The following LINGO2 variants were observed in gnomAD, a reference collection of about 807,000 sequenced individuals.
The protein encoded by LINGO2 is leucine-rich repeat and immunoglobulin-like domain-containing nogo receptor-interacting protein 2.
In LINGO2, 14 loss-of-function variants were observed where a neutral mutation model predicts 30.6. The observed-to-expected ratio is 0.46, with a 90% CI of 0.30 to 0.72. The LOEUF is 0.72. LINGO2 is among the 30% of genes least tolerant of loss of function. LINGO2 has a pLI of 0.07. For missense variants in LINGO2, 729 were observed against 751.7 expected, an observed-to-expected ratio of 0.97 and a Z score of 0.35; for synonymous variants, 317 against 288.5, an observed-to-expected ratio of 1.10 and a Z score of -1.00.
the LINGO2 span, among the ~76,000 whole-genome samples, chr9:28,950,542 CAA>C: frequency 6.6e-6 from 1 of 151,106 alleles, no homozygotes; most frequent in African/African-American, 2.4e-5. Context: ...GCAATTTCAG[CAA>C]AGTCTCAGGA....
chr9:28,699,200 A>G, the LINGO2 span, among the ~76,000 whole-genome samples: 1 of 152,014 alleles, frequency 6.6e-6, no homozygotes, highest in Non-Finnish European at 1.5e-5. Context: ...GGTGTTGACA[A>G]TGTATAATGA....
chr9:28,384,103 T>C (rs535370453), intron 2 of LINGO2, among the ~76,000 whole-genome samples: 20 of 151,756 alleles, frequency 1.3e-4, no homozygotes, highest in Middle Eastern at 3.2e-3. Context: ...ATATTACTGA[T>C]CTCTATCATA....
chr9:28,649,996 C>T (rs748421126), intron 1 of LINGO2, among the ~76,000 whole-genome samples: 3 of 150,256 alleles, frequency 2.0e-5, no homozygotes, highest in Admixed American at 6.6e-5. Context: ...GAAGAGCCAT[C>T]GTAGAGTGGC....
intron 1 of LINGO2, among the ~76,000 whole-genome samples, chr9:28,612,369 A>G (rs1289946751): frequency 6.6e-6 from 1 of 152,122 alleles, no homozygotes; most frequent in African/African-American, 2.4e-5. Context: ...CATTTTCTTT[A>G]TCCATTCATC....
chr9:28,039,304 C>T (rs1301438412), intron 4 of LINGO2, among the ~76,000 whole-genome samples: 1 of 152,162 alleles, frequency 6.6e-6, no homozygotes, highest in African/African-American at 2.4e-5. Flanking sequence ...CTTGACTACG[C>T]AATTTTAAAA....
chr9:29,180,378 T>G, the LINGO2 span, among the ~76,000 whole-genome samples: 1 of 152,234 alleles, frequency 6.6e-6, no homozygotes, highest in African/African-American at 2.4e-5. Context: ...GGCAAATATA[T>G]TTTCAAGCTT....
chr9:28,111,535 A>G (rs1433894688), intron 4 of LINGO2, among the ~76,000 whole-genome samples: 1 of 152,150 alleles, frequency 6.6e-6, no homozygotes, highest in Non-Finnish European at 1.5e-5. Flanking sequence ...TTGACTTATA[A>G]TCATGTTTTA....
chr9:28,888,623 C>T, the LINGO2 span, among the ~76,000 whole-genome samples: 6 of 152,078 alleles, frequency 3.9e-5, no homozygotes, highest in Non-Finnish European at 8.8e-5. Flanking sequence ...AGAATGTCTG[C>T]TGAGTTTACA....
the LINGO2 span, among the ~76,000 whole-genome samples, chr9:29,007,547 C>T: frequency 1.3e-5 from 2 of 152,076 alleles, no homozygotes; most frequent in African/African-American, 4.8e-5. Context: ...GTTATCTGTG[C>T]CACTGAAGGC....
At chr9:29,067,435 T>G in the LINGO2 span, among the ~76,000 whole-genome samples, 2 of 151,752 alleles carry the variant, frequency 1.3e-5, no homozygotes, top group Admixed American at 6.6e-5. Flanking sequence ...CTCTTATAAT[T>G]TCTTAATTTA....
intron 4 of LINGO2, among the ~76,000 whole-genome samples, chr9:28,020,200 G>C (rs1422081202): frequency 1.3e-5 from 2 of 152,166 alleles, no homozygotes; most frequent in Non-Finnish European, 2.9e-5. Context: ...AACTGGGCAG[G>C]AGCACTGAGA....
At chr9:28,562,423 C>T (rs889847810) in intron 1 of LINGO2, among the ~76,000 whole-genome samples, 5 of 112,890 alleles carry the variant, frequency 4.4e-5, no homozygotes, top group Admixed American at 4.3e-4. Context: ...ATTCAATATT[C>T]TTCAACAGGA....
At chr9:28,896,453 C>G in the LINGO2 span, among the ~76,000 whole-genome samples, 1 of 147,318 alleles carries the variant, frequency 6.8e-6, no homozygotes, top group Non-Finnish European at 1.5e-5. Context: ...ACAGATGTAA[C>G]TATGTATGCA....
the LINGO2 span, among the ~76,000 whole-genome samples, chr9:28,945,752 C>G: frequency 0.91 from 138,427 of 152,220 alleles, 63,112 homozygotes; most frequent in Non-Finnish European, 0.94. Flanking sequence ...AGAACTGTTG[C>G]CCTAGAGAAG....
At chr9:28,292,790 A>T (rs1823779140) in intron 4 of LINGO2, among the ~76,000 whole-genome samples, 1 of 148,182 alleles carries the variant, frequency 6.7e-6, no homozygotes, top group Non-Finnish European at 1.5e-5. Context: ...TTTCTTTTTG[A>T]GATGGAATCT....
At chr9:28,191,108 ATTT>A (rs1225288578) in intron 4 of LINGO2, among the ~76,000 whole-genome samples, 1 of 152,166 alleles carries the variant, frequency 6.6e-6, no homozygotes, top group Non-Finnish European at 1.5e-5. Flanking sequence ...CCCAAATCAT[ATTT>A]TCCTAGAGAG....
intron 5 of LINGO2, among the ~76,000 whole-genome samples, chr9:27,995,498 C>G (rs1821615545): frequency 6.6e-6 from 1 of 152,024 alleles, no homozygotes; most frequent in Admixed American, 6.6e-5. Flanking sequence ...TATTAGCAAA[C>G]CAAATTGAAC....
chr9:28,881,766 C>T, the LINGO2 span, among the ~76,000 whole-genome samples: 1 of 152,122 alleles, frequency 6.6e-6, no homozygotes, highest in Admixed American at 6.5e-5. Context: ...GCCCAGCATC[C>T]ACTAGCTATT....
At chr9:29,177,690 A>C in the LINGO2 span, among the ~76,000 whole-genome samples, 1 of 152,140 alleles carries the variant, frequency 6.6e-6, no homozygotes, top group South Asian at 2.1e-4. Flanking sequence ...CTTCTTTCCC[A>C]AAACCATAAT....
Sources: gnomAD v4.1 joint callset for allele counts (sites outside exome capture counted in the v4.1 genomes callset) on GRCh38, gnomAD v4.1.1 for gene constraint, MANE v1.5 for transcripts, NCBI Gene and HGNC (gene_info 2026-07-23, HGNC 2026-07-21) for gene names.